RBM19: variants seen among roughly 807,000 people sequenced by gnomAD.
The protein encoded by RBM19 is probable RNA-binding protein 19.
RBM19 carries 94 observed loss-of-function variants against 116.8 expected under a neutral mutation model. The ratio of observed to expected loss-of-function variants is 0.80; its 90% CI spans 0.68 to 0.95. The LOEUF (loss-of-function observed/expected upper bound fraction) is 0.95, where lower values mean the gene tolerates loss of function less well. Ranked by LOEUF, RBM19 falls within the 40% of genes least tolerant of loss-of-function variation. The pLI is 0.00. For synonymous variants in RBM19, 475 were observed against 494.1 expected (o/e 0.96, Z 0.51); for missense variants, 1,161 against 1,220.7 (o/e 0.95, Z 0.73).
At chr12:113,922,015 T>C (rs1593589519) in intron 18 of RBM19, among the ~76,000 whole-genome samples, 1 of 151,990 alleles carries the variant, frequency 6.6e-6, no homozygotes, top group African/African-American at 2.4e-5. Context: ...GAGGCTGGAG[T>C]ACTGGATCCT....
chr12:113,943,451 C>T (rs1870747941), intron 13 of RBM19, among the ~76,000 whole-genome samples: 1 of 152,140 alleles, frequency 6.6e-6, no homozygotes, highest in African/African-American at 2.4e-5. Context: ...GTGGAAAACA[C>T]ACACAGAATT....
intron 20 of RBM19, among the ~76,000 whole-genome samples, chr12:113,915,906 C>G (rs547050530): frequency 6.6e-6 from 1 of 152,350 alleles, no homozygotes; most frequent in East Asian, 1.9e-4. Context: ...TCCACGTCAC[C>G]TCCTCACAGG....
chr12:113,919,504 G>A (rs890087629), intron 19 of RBM19, among the ~76,000 whole-genome samples: 1 of 152,232 alleles, frequency 6.6e-6, no homozygotes, highest in Non-Finnish European at 1.5e-5. Context: ...CTGGGAGGCG[G>A]AGCTTGCAGT....
chr12:113,947,445 G>C lies in RBM19; in HGVS notation c.1296C>G (p.His432Gln). 1 of 1,606,370 alleles carries C rather than the reference G, an allele frequency of 6.2e-7. No individual in the cohort carries two copies. Among genetic ancestry groups the C allele is most frequent in the Non-Finnish European group, 8.5e-7 (1 of 1,173,610 alleles). Residue 432 changes from histidine to glutamine, a missense_variant, in exon 11 of 24, where the codon CAC (histidine) becomes CAG (glutamine). Physicochemically the swap from His to Gln is conservative, Grantham distance 24. Coordinates refer to ENST00000261741, the MANE Select transcript of RBM19 (RefSeq NM_016196.4). ...TCTTGGTCAGGCTGTCGATGGGGTA[G>C]TGGAGCTCAGACAGGGGACCTGAGG... ...FSKYGPLSEL[H>Q]YPIDSLTKKP...
intron 21 of RBM19, among the ~76,000 whole-genome samples, chr12:113,887,647 AAAAAG>A (rs1377746842): frequency 4.0e-5 from 6 of 150,080 alleles, no homozygotes; most frequent in Non-Finnish European, 7.4e-5. Context: ...AAAAAAAAAA[AAAAAG>A]AAAAAAGAAA....
intron 21 of RBM19, among the ~76,000 whole-genome samples, chr12:113,881,937 T>C (rs377142393): frequency 1.3e-5 from 2 of 152,350 alleles, no homozygotes; most frequent in South Asian, 2.1e-4. Flanking sequence ...CCTCCACCCA[T>C]GGGGGTGCAC....
Position 113,940,027 on chromosome 12 carries a change from G to A in RBM19, c.1871C>T (p.Thr624Ile). Residue 624 changes from threonine to isoleucine, a missense_variant, in exon 15 of 24, where the codon ACT becomes ATT. Physicochemically the swap from Thr to Ile is moderately conservative, Grantham distance 89. Transcript: ENST00000261741. Reference sequence around the variant, plus strand: ...GGGCTCCAGGAACTCCACGATGGCAGTGATTCCGCCCTCTGGCAGCAGCAC... The same window carrying A: ...GGGCTCCAGGAACTCCACGATGGCAATGATTCCGCCCTCTGGCAGCAGCAC... ...GRVLLPEGGI[T>I]AIVEFLEPLE... 1 of 1,614,164 alleles carries A rather than the reference G, an allele frequency of 6.2e-7. No individual in the cohort carries two copies. The highest frequency in any genetic ancestry group is 8.5e-7 in the Non-Finnish European group (1 of 1,180,022).
At chr12:113,856,215 G>A (rs886287483) in intron 22 of RBM19, among the ~76,000 whole-genome samples, 2 of 152,190 alleles carry the variant, frequency 1.3e-5, no homozygotes, top group East Asian at 1.9e-4. Flanking sequence ...AGGGATGGAG[G>A]GGGAGGAGCT....
rs745571996 is a variant in RBM19, at chr12:113,844,682, GC to G, written c.2770del (p.Ala924ProfsTer114). 15 of 1,610,350 alleles carry G rather than the reference GC, an allele frequency of 9.3e-6. No homozygotes were observed. In the Admixed American group the frequency reaches 2.5e-4, roughly 27 times the overall value. ...VTLQALRRKT[A>X]AHFHEPPKKK... The stretch of plus-strand genomic sequence containing the variant: ...CCCGCTCCTACCGTGAAAGTGAGCG[GC>G]CGTCTTCCGCCGCAGGGCCTGCAGG... On this transcript the variant is annotated frameshift_variant, in exon 23 of 24. Coordinates refer to ENST00000261741, the MANE Select transcript of RBM19 (RefSeq NM_016196.4). LOFTEE classifies it high-confidence loss of function.
chr12:113,936,655 T>G (rs1870092325), intron 16 of RBM19, among the ~76,000 whole-genome samples: 1 of 152,236 alleles, frequency 6.6e-6, no homozygotes, highest in African/African-American at 2.4e-5. Context: ...TCCAAGGACA[T>G]GAGAATAAGT....
chr12:113,896,967 G>A (rs1881377462), intron 21 of RBM19, among the ~76,000 whole-genome samples: 1 of 152,182 alleles, frequency 6.6e-6, no homozygotes. Flanking sequence ...GACAGATGTG[G>A]CTGTTTTTCC....
chr12:113,953,515 A>G (rs1038062174), intron 7 of RBM19, among the ~76,000 whole-genome samples: 1 of 152,186 alleles, frequency 6.6e-6, no homozygotes, highest in Non-Finnish European at 1.5e-5. Context: ...CAAGATATAC[A>G]CGATCTACAA....
rs749181733 is a variant in RBM19, at chr12:113,912,935, GAAC to G, written c.2558+2031_2558+2033del. Among the ~76,000 whole-genome samples the G allele has an allele frequency of 2.6e-4, 39 of 152,110 alleles. 1 individual carries two copies. Among genetic ancestry groups the G allele is most frequent in the Non-Finnish European group, 5.4e-4 (37 of 68,018 alleles). On this transcript the variant is annotated intron_variant, in intron 21 of 23. Transcript: ENST00000261741. ...ACTGCCTTACATCCCCAGCCGGAGTGAACAACAATAGCAGGTACGGCCCTCCAA... is the reference window on the plus strand; with the variant it reads ...ACTGCCTTACATCCCCAGCCGGAGTGAACAATAGCAGGTACGGCCCTCCAA...
intron 8 of RBM19, among the ~76,000 whole-genome samples, chr12:113,951,898 C>T (rs61344499): frequency 0.088 from 13,362 of 152,254 alleles, 676 homozygotes; most frequent in East Asian, 0.17. Context: ...CCAGCCTCCC[C>T]GCAGCTACAG....
At chr12:113,920,796 TTC>T in intron 18 of RBM19, 106 bp from the exon 19 acceptor site, 2 of 978,016 alleles carry the variant, frequency 2.0e-6, no homozygotes, top group Non-Finnish European at 1.6e-6. Context: ...TCCTCTTCTT[TTC>T]ATACCCCCTT....
chr12:113,910,368 C>T (rs923059595), intron 21 of RBM19, among the ~76,000 whole-genome samples: 14 of 152,242 alleles, frequency 9.2e-5, no homozygotes, highest in Admixed American at 7.8e-4. Flanking sequence ...TACTGGTTCA[C>T]AGGCAGAACT....
At chr12:113,856,889 AG>A (rs1176425660) in intron 22 of RBM19, among the ~76,000 whole-genome samples, 1 of 152,182 alleles carries the variant, frequency 6.6e-6, no homozygotes, top group East Asian at 1.9e-4. Context: ...CCATTTTACG[AG>A]GGGAGGAAAC....
intron 21 of RBM19, among the ~76,000 whole-genome samples, chr12:113,881,094 G>A (rs751101269): frequency 1.3e-5 from 2 of 152,200 alleles, no homozygotes; most frequent in Non-Finnish European, 2.9e-5. Flanking sequence ...GAACTGGGGC[G>A]CTGCTCTAAT....
chr12:113,830,295 G>A (rs572067242), intron 23 of RBM19, among the ~76,000 whole-genome samples: 43 of 152,276 alleles, frequency 2.8e-4, no homozygotes, highest in African/African-American at 1.0e-3. Flanking sequence ...ACTGATGCCT[G>A]GATCCTACCT....
Sources: allele counts gnomAD v4.1 joint callset (sites outside exome capture counted in the v4.1 genomes callset), GRCh38; gene constraint gnomAD v4.1.1; transcripts MANE v1.5; gene names NCBI Gene and HGNC (gene_info 2026-07-23, HGNC 2026-07-21).